The following MTMR12 variants were observed in gnomAD, a reference collection of about 807,000 sequenced individuals.
MTMR12 encodes myotubularin-related protein 12.
Under a neutral mutation model 96.7 loss-of-function variants are expected in MTMR12, and 33 were observed. That is an observed-to-expected ratio of 0.34 (90% CI 0.26 to 0.46). The LOEUF is 0.46. MTMR12 is among the 20% of genes least tolerant of loss of function. The pLI is 1.00. For missense variants in MTMR12, 721 were observed against 896.1 expected, an observed-to-expected ratio of 0.80 and a Z score of 2.49; for synonymous variants, 298 against 327.2, an observed-to-expected ratio of 0.91 and a Z score of 0.96.
In MTMR12 at chr5:32,263,120, A is replaced by G. The variant is rs199989524; in HGVS notation, c.706T>C (p.Cys236Arg). The change falls in exon 7 of 16, where the codon TGT (cysteine) becomes CGT (arginine). Residue 236 changes from cysteine to arginine, a missense_variant. Cys to Arg is a radical substitution (Grantham distance 180, BLOSUM62 -3). Coordinates refer to ENST00000382142, the MANE Select transcript of MTMR12 (RefSeq NM_001040446.3). The stretch of plus-strand genomic sequence containing the variant: ...CCAGCATGGAAAGCTTACCTCTCAC[A>G]GACTTTATAGCCTTCGTTGACACTC... ...AVSVNEGYKV[C>R]ERLPAYFVVP... 8.1e-6 allele frequency: 13 copies of G among 1,614,192 alleles called. No homozygotes were observed. The highest frequency in any genetic ancestry group is 1.1e-5 in the Non-Finnish European group (13 of 1,180,032).
At chr5:32,272,421 C>T (rs1424489945) in intron 3 of MTMR12, among the ~76,000 whole-genome samples, 1 of 152,098 alleles carries the variant, frequency 6.6e-6, no homozygotes, top group East Asian at 1.9e-4. Flanking sequence ...GTCACTCAGG[C>T]TAGGCTGGAG....
At chr5:32,243,128 T>C (rs541218066) in intron 11 of MTMR12, among the ~76,000 whole-genome samples, 44 of 152,362 alleles carry the variant, frequency 2.9e-4, no homozygotes, top group Non-Finnish European at 1.9e-4. Flanking sequence ...ACATTAATCA[T>C]GGTTTTTAAA....
In MTMR12 at chr5:32,233,630, C is replaced by T; in HGVS notation, c.1674+143G>A. ...AGCAAAGGATTCTAATGGCCCTTGA[C>T]AATTTGACCATCACAAGTCTCAACT... On this transcript the variant is annotated intron_variant, in intron 15 of 15. Transcript: ENST00000382142. The surrounding 1 kb of genome is among the most constrained non-coding windows in gnomAD (Gnocchi z 5.0). 1 of 1,186,134 alleles carries T rather than the reference C, an allele frequency of 8.4e-7. No homozygotes were observed. The highest frequency in any genetic ancestry group is 1.2e-6 in the Non-Finnish European group (1 of 835,870). The allele number at this position is 1,186,134 out of a possible 1,614,324, so 73.5% of individuals were successfully genotyped here.
At position 32,273,992 on chromosome 5, in the gene MTMR12, T is replaced by C. The variant is rs748791435; in HGVS notation, c.273A>G (p.Ala91=). The change falls in exon 3 of 16, where the codon GCA becomes GCG. Residue 91 remains alanine, a synonymous_variant. Coordinates refer to ENST00000382142, the MANE Select transcript of MTMR12 (RefSeq NM_001040446.3). ...KIAFLGDDES[A]LDNDETQFKN... is the part of the protein sequence containing the mutation. Reference sequence around the variant, plus strand: ...AGCCCATACATACATCATTATCCAATGCAGATTCATCATCACCCAAGAAGG... The same window carrying C: ...AGCCCATACATACATCATTATCCAACGCAGATTCATCATCACCCAAGAAGG... The C allele has an allele frequency of 1.9e-6, 3 of 1,614,172 alleles. No homozygotes were observed. The highest frequency in any genetic ancestry group is 2.5e-6 in the Non-Finnish European group (3 of 1,180,034).
intron 10 of MTMR12, among the ~76,000 whole-genome samples, chr5:32,247,327 G>C (rs368990436): frequency 5.9e-4 from 90 of 152,326 alleles, no homozygotes; most frequent in African/African-American, 2.0e-3. Context: ...CTCCAGTCTG[G>C]ATGACAGAGG....
At chr5:32,298,205 A>G (rs1750998352) in intron 1 of MTMR12, among the ~76,000 whole-genome samples, 1 of 152,172 alleles carries the variant, frequency 6.6e-6, no homozygotes, top group African/African-American at 2.4e-5. Flanking sequence ...AGGCCAGTCA[A>G]GCTCTTGTGG....
Position 32,288,425 on chromosome 5 carries a change from T to A in MTMR12, c.82-11683A>T, listed in dbSNP as rs544201668. 1.5e-3 allele frequency among the ~76,000 whole-genome samples: 223 copies of A among 152,286 alleles called. 1 individual carries two copies. Among genetic ancestry groups the A allele is most frequent in the South Asian group, 3.1e-3 (15 of 4,824 alleles). ...CTGCCAGGCAAGATAATGTTGATTC[T>A]CCTCAGGAGTCACCCCCAACACCCC... is the stretch of plus-strand genomic sequence containing the variant. On this transcript the variant is annotated intron_variant, in intron 1 of 15. Transcript: ENST00000382142.
chr5:32,264,394 G>T (rs1279092863), intron 6 of MTMR12, among the ~76,000 whole-genome samples: 1 of 151,592 alleles, frequency 6.6e-6, no homozygotes, highest in Middle Eastern at 3.2e-3. Context: ...GCAAAAATAA[G>T]AATAATGATG....
intron 12 of MTMR12, among the ~76,000 whole-genome samples, chr5:32,239,577 C>T (rs191933880): frequency 1.3e-5 from 2 of 152,212 alleles, no homozygotes; most frequent in East Asian, 1.9e-4. Context: ...GTGGAAGCCT[C>T]CGTCACTGAA....
intron 10 of MTMR12, among the ~76,000 whole-genome samples, chr5:32,244,783 A>G (rs912482488): frequency 6.6e-6 from 1 of 152,214 alleles, no homozygotes; most frequent in Non-Finnish European, 1.5e-5. Flanking sequence ...TCTTGGTGTT[A>G]TATTTCTCTT....
At chr5:32,263,086 A>G in intron 7 of MTMR12, 27 bp downstream of exon 7, 1 of 1,613,398 alleles carries the variant, frequency 6.2e-7, no homozygotes, top group Non-Finnish European at 8.5e-7. Flanking sequence ...TGAATTGTAC[A>G]GCATGTGCCC....
At chr5:32,250,595 G>A (rs1290346146) in intron 8 of MTMR12, among the ~76,000 whole-genome samples, 1 of 152,184 alleles carries the variant, frequency 6.6e-6, no homozygotes, top group East Asian at 1.9e-4. Context: ...CTTAGTTGGC[G>A]CAGCTCACTT....
chr5:32,296,110 G>C (rs545585564), intron 1 of MTMR12, among the ~76,000 whole-genome samples: 2 of 152,048 alleles, frequency 1.3e-5, no homozygotes, highest in East Asian at 3.9e-4. Context: ...AGTTAGCTGA[G>C]ATCACGCCAT....
chr5:32,257,226 G>A (rs1749174986), intron 7 of MTMR12, among the ~76,000 whole-genome samples: 1 of 152,180 alleles, frequency 6.6e-6, no homozygotes, highest in Admixed American at 6.5e-5. Flanking sequence ...AGCTACTTGG[G>A]AGGATCACTT....
At position 32,248,122 on chromosome 5, in the gene MTMR12, A is replaced by G; in HGVS notation, c.901T>C (p.Tyr301His). Reference protein sequence around the residue: ...QIQKSFLDGIYKTIHRPPYEI... With the variant: ...QIQKSFLDGIHKTIHRPPYEI... Reference sequence around the variant, plus strand: ...TAGGGTGGCCTGTGGATGGTCTTGTAAATTCTAGGTATCAAAAAGGAATAT... The same window carrying G: ...TAGGGTGGCCTGTGGATGGTCTTGTGAATTCTAGGTATCAAAAAGGAATAT... The change falls in exon 10 of 16, where the codon TAC becomes CAC. Residue 301 changes from tyrosine (Y) to histidine (H), a missense_variant. Coordinates refer to ENST00000382142, the MANE Select transcript of MTMR12 (RefSeq NM_001040446.3). The G allele has an allele frequency of 6.2e-7, 1 of 1,613,316 alleles. No individual in the cohort carries two copies. The highest frequency in any genetic ancestry group is 8.5e-7 in the Non-Finnish European group (1 of 1,179,580).
intron 8 of MTMR12, among the ~76,000 whole-genome samples, chr5:32,253,931 C>T (rs1312038626): frequency 6.6e-6 from 1 of 152,236 alleles, no homozygotes. Flanking sequence ...GCATTTCCCA[C>T]AGTTTCTATC....
At chr5:32,280,120 G>C (rs1343882341) in intron 1 of MTMR12, among the ~76,000 whole-genome samples, 1 of 152,200 alleles carries the variant, frequency 6.6e-6, no homozygotes, top group Non-Finnish European at 1.5e-5. Context: ...TTCACATTCA[G>C]AGTGCACATC....
chr5:32,262,367 G>A (rs1749396123), intron 7 of MTMR12, among the ~76,000 whole-genome samples: 1 of 152,172 alleles, frequency 6.6e-6, no homozygotes. Flanking sequence ...TTGGAAGGCC[G>A]AGGTGAGAGG....
intron 15 of MTMR12, among the ~76,000 whole-genome samples, chr5:32,231,886 T>C (rs1181710555): frequency 1.3e-5 from 2 of 152,190 alleles, no homozygotes; most frequent in African/African-American, 4.8e-5. Context: ...GAGCACCTCA[T>C]TCTCAAAGTC....
Sources: allele counts gnomAD v4.1 joint callset (sites outside exome capture counted in the v4.1 genomes callset), GRCh38; gene constraint gnomAD v4.1.1; non-coding constraint Gnocchi (gnomAD v3.1); transcripts MANE v1.5; gene names NCBI Gene and HGNC (gene_info 2026-07-23, HGNC 2026-07-21).